The following RUNX1 variants were observed in gnomAD, a reference collection of about 807,000 sequenced individuals.
RUNX1 encodes RUNX family transcription factor 1.
In RUNX1, 19 loss-of-function variants were observed where a neutral mutation model predicts 42.8. The ratio of observed to expected loss-of-function variants is 0.44; its 90% CI spans 0.31 to 0.65. The LOEUF is 0.65. Among genes scored for constraint, RUNX1 ranks in the 30% least tolerant of loss-of-function variants. The pLI, the probability that RUNX1 is intolerant of heterozygous loss-of-function variation, is 0.07. For synonymous variants in RUNX1, 271 were observed against 289.4 expected, an observed-to-expected ratio of 0.94 and a Z score of 0.64; for missense variants, 528 against 672.0, an observed-to-expected ratio of 0.79 and a Z score of 2.37.
At chr21:35,005,086 AGGTAGATTTTATTG>A (rs2059074284) in intron 2 of RUNX1, among the ~76,000 whole-genome samples, 1 of 152,162 alleles carries the variant, frequency 6.6e-6, no homozygotes, top group East Asian at 1.9e-4. Context: ...GAGAAGGCAT[AGGTAGATTTTATTG>A]ATGTATTCAG....
chr21:35,008,071 A>G (rs755760819), intron 2 of RUNX1, among the ~76,000 whole-genome samples: 6 of 152,134 alleles, frequency 3.9e-5, no homozygotes, highest in Non-Finnish European at 7.3e-5. Flanking sequence ...TCAGTGTCTG[A>G]TCCATGGTGC....
At chr21:34,807,169 ATATCT>A (rs1304634477) in intron 7 of RUNX1, among the ~76,000 whole-genome samples, 1 of 152,120 alleles carries the variant, frequency 6.6e-6, no homozygotes, top group Non-Finnish European at 1.5e-5. Flanking sequence ...ATAGAACAAA[ATATCT>A]TGTTCTTTGA....
At position 34,912,066 on chromosome 21, in the gene RUNX1, G is replaced by C. The variant is rs113868345; in HGVS notation, c.59-19103C>G. 8.8e-3 allele frequency among the ~76,000 whole-genome samples: 1,335 copies of C among 151,756 alleles called. 21 individuals are homozygous for C. Among genetic ancestry groups the C allele is most frequent in the African/African-American group, 0.026 (1,088 of 41,304 alleles). On this transcript the variant is annotated intron_variant, in intron 2 of 8. Transcript: ENST00000675419. ...CTCCAAGTGACAGAGGGAGTGGATG[G>C]AGTGAAGGATAAGTTTTGTCCTGTT...
intron 2 of RUNX1, among the ~76,000 whole-genome samples, chr21:34,982,459 G>GAATT (rs2058854012): frequency 6.6e-6 from 1 of 151,708 alleles, no homozygotes; most frequent in African/African-American, 2.4e-5. Context: ...GAGAGAGTTT[G>GAATT]GATTGGGAAA....
At chr21:34,945,300 A>T (rs1397890529) in intron 2 of RUNX1, among the ~76,000 whole-genome samples, 2 of 152,186 alleles carry the variant, frequency 1.3e-5, no homozygotes, top group Non-Finnish European at 2.9e-5. Flanking sequence ...AATCTCACAA[A>T]CATATTCGGG....
chr21:35,036,072 G>A (rs1405221788), intron 2 of RUNX1, among the ~76,000 whole-genome samples: 1 of 152,186 alleles, frequency 6.6e-6, no homozygotes, highest in Admixed American at 6.5e-5. Flanking sequence ...CCTGAGGGAA[G>A]ACAGAAGAGG....
chr21:34,964,000 A>G (rs554627562), intron 2 of RUNX1, among the ~76,000 whole-genome samples: 1 of 152,310 alleles, frequency 6.6e-6, no homozygotes, highest in East Asian at 1.9e-4. Flanking sequence ...TCATTCATTC[A>G]TTCATTCATT....
chr21:34,901,569 G>T lies in RUNX1; in HGVS notation c.59-8606C>A, dbSNP rs144758935. On this transcript the variant is annotated intron_variant, in intron 2 of 8. Transcript: ENST00000675419. The surrounding 1 kb of genome is among the most constrained non-coding windows in gnomAD (Gnocchi z 4.3). Reference sequence around the variant, plus strand: ...CCAGTTTCTATCTGTTAGTCTTACGGGTTGAAGACAGAGGTTAAGGGGCCA... The same window carrying T: ...CCAGTTTCTATCTGTTAGTCTTACGTGTTGAAGACAGAGGTTAAGGGGCCA... 5.3e-5 allele frequency among the ~76,000 whole-genome samples: 8 copies of T among 152,184 alleles called. No individual in the cohort carries two copies. Among genetic ancestry groups the T allele is most frequent in the African/African-American group, 1.7e-4 (7 of 41,506 alleles).
At chr21:34,837,456 G>T (rs1333103760) in intron 6 of RUNX1, among the ~76,000 whole-genome samples, 1 of 152,168 alleles carries the variant, frequency 6.6e-6, no homozygotes, top group South Asian at 2.1e-4. Flanking sequence ...CTTACTTTCT[G>T]AAACCATCAG....
At chr21:34,967,611 C>T (rs960692827) in intron 2 of RUNX1, among the ~76,000 whole-genome samples, 18 of 152,150 alleles carry the variant, frequency 1.2e-4, no homozygotes, top group Non-Finnish European at 1.8e-4. Context: ...TCTCCAGCCC[C>T]ATAGTGGTGA....
intron 2 of RUNX1, among the ~76,000 whole-genome samples, chr21:35,047,106 A>C (rs1037735859): frequency 1.3e-5 from 2 of 152,144 alleles, no homozygotes; most frequent in Non-Finnish European, 2.9e-5. Context: ...ACTGAAACCC[A>C]ACCTATTGCT....
At chr21:34,873,130 T>C (rs1340885601) in intron 5 of RUNX1, among the ~76,000 whole-genome samples, 1 of 152,158 alleles carries the variant, frequency 6.6e-6, no homozygotes, top group African/African-American at 2.4e-5. Context: ...CTCTATACAA[T>C]AGTTTCAAAT....
At chr21:34,896,581 G>A (rs1177090088) in intron 2 of RUNX1, among the ~76,000 whole-genome samples, 1 of 152,166 alleles carries the variant, frequency 6.6e-6, no homozygotes, top group African/African-American at 2.4e-5. Flanking sequence ...TATTCAGGAG[G>A]CTGAGGCAGG....
chr21:34,870,438 G>A (rs997237673), intron 5 of RUNX1, among the ~76,000 whole-genome samples: 1 of 152,254 alleles, frequency 6.6e-6, no homozygotes, highest in Non-Finnish European at 1.5e-5. Flanking sequence ...GCCCCCAGGG[G>A]ACATGACGCA....
chr21:35,031,805 G>A (rs923852794), intron 2 of RUNX1, among the ~76,000 whole-genome samples: 8 of 152,114 alleles, frequency 5.3e-5, no homozygotes, highest in African/African-American at 1.9e-4. Context: ...ATGTATATGT[G>A]GAATCCTAAA....
At chr21:34,955,721 C>T (rs11911527) in intron 2 of RUNX1, among the ~76,000 whole-genome samples, 7,169 of 152,238 alleles carry the variant, frequency 0.047, 539 homozygotes, top group African/African-American at 0.16. Flanking sequence ...CGTTAATGAG[C>T]ATATAAAATT....
At chr21:34,862,705 G>A (rs531676461) in intron 5 of RUNX1, among the ~76,000 whole-genome samples, 11 of 152,196 alleles carry the variant, frequency 7.2e-5, no homozygotes, top group African/African-American at 2.6e-4. Flanking sequence ...TGGACTTATG[G>A]CCCACCCAAG....
intron 2 of RUNX1, among the ~76,000 whole-genome samples, chr21:34,909,198 C>T (rs1252884006): frequency 6.6e-6 from 1 of 151,948 alleles, no homozygotes; most frequent in Non-Finnish European, 1.5e-5. Flanking sequence ...GTGTTCACTC[C>T]CGTGTGCAGT....
intron 2 of RUNX1, among the ~76,000 whole-genome samples, chr21:34,998,094 T>C (rs906167441): frequency 7.2e-5 from 11 of 152,158 alleles, no homozygotes; most frequent in African/African-American, 1.2e-4. Flanking sequence ...TGGGTAAGCA[T>C]TGCATCTTCT....
Sources: allele counts gnomAD v4.1 joint callset (sites outside exome capture counted in the v4.1 genomes callset), GRCh38; gene constraint gnomAD v4.1.1; non-coding constraint Gnocchi (gnomAD v3.1); transcripts MANE v1.5; gene names NCBI Gene and HGNC (gene_info 2026-07-23, HGNC 2026-07-21).